GRIA4: variants seen among roughly 807,000 people sequenced by gnomAD.
GRIA4 encodes the protein glutamate receptor 4.
GRIA4 carries 34 observed loss-of-function variants against 104.0 expected under a neutral mutation model. The ratio of observed to expected loss-of-function variants is 0.33; its 90% CI spans 0.25 to 0.44. GRIA4 has a LOEUF of 0.44. Among genes scored for constraint, GRIA4 ranks in the 20% least tolerant of loss-of-function variants. The probability of loss-of-function intolerance (pLI) is 1.00; values close to 1 mark genes in which losing one functional copy is unlikely to be tolerated. For missense variants in GRIA4, 750 were observed against 1,096.5 expected, an observed-to-expected ratio of 0.68 and a Z score of 4.46; for synonymous variants, 386 against 381.9, an observed-to-expected ratio of 1.01 and a Z score of -0.13.
At chr11:105,803,844 CAA>C (rs537440632) in intron 4 of GRIA4, among the ~76,000 whole-genome samples, 372 of 80,520 alleles carry the variant, frequency 4.6e-3, no homozygotes, top group South Asian at 0.01. Context: ...GGTGCTATAC[CAA>C]AAAAAAAAAA....
chr11:105,770,922 C>G (rs1941180409), intron 4 of GRIA4, among the ~76,000 whole-genome samples: 1 of 152,098 alleles, frequency 6.6e-6, no homozygotes, highest in Admixed American at 6.6e-5. Context: ...AATAATTATT[C>G]CCTTCATCCA....
At chr11:105,944,180 C>T (rs775069945) in intron 14 of GRIA4, among the ~76,000 whole-genome samples, 1 of 152,112 alleles carries the variant, frequency 6.6e-6, no homozygotes, top group Non-Finnish European at 1.5e-5. Flanking sequence ...TTTTTCCCTG[C>T]ACATTTTCAT....
At chr11:105,654,172 G>A (rs1391604246) in intron 3 of GRIA4, among the ~76,000 whole-genome samples, 5 of 151,894 alleles carry the variant, frequency 3.3e-5, no homozygotes, top group Non-Finnish European at 7.4e-5. Flanking sequence ...TAAGGTAATG[G>A]TTAGCAGAGG....
chr11:105,714,585 G>T (rs956548539), intron 3 of GRIA4, among the ~76,000 whole-genome samples: 1 of 151,944 alleles, frequency 6.6e-6, no homozygotes, highest in Admixed American at 6.6e-5. Flanking sequence ...AAATGTAATG[G>T]ATTCATTTCT....
intron 4 of GRIA4, among the ~76,000 whole-genome samples, chr11:105,775,400 T>C (rs1274028925): frequency 6.6e-6 from 1 of 152,200 alleles, no homozygotes; most frequent in Non-Finnish European, 1.5e-5. Context: ...GAAGGCATGC[T>C]AAAGATACTA....
intron 4 of GRIA4, among the ~76,000 whole-genome samples, chr11:105,758,766 T>C (rs1361345637): frequency 6.6e-6 from 1 of 152,212 alleles, no homozygotes; most frequent in African/African-American, 2.4e-5. Flanking sequence ...ATCAGAACTA[T>C]GGAAAGTAGT....
At chr11:105,910,328 C>A in intron 9 of GRIA4, 107 bp from the exon 10 acceptor site, 2 of 611,118 alleles carry the variant, frequency 3.3e-6, no homozygotes, top group Non-Finnish European at 5.9e-6. Context: ...GTTTTGTTTG[C>A]TTACATTTGT....
At chr11:105,756,746 T>C (rs537658295) in intron 4 of GRIA4, among the ~76,000 whole-genome samples, 5 of 112,476 alleles carry the variant, frequency 4.4e-5, no homozygotes, top group Middle Eastern at 9.4e-3. Context: ...AAATCTTTTA[T>C]GAAGACTCTC....
At chr11:105,959,445 G>A (rs1231547612) in intron 14 of GRIA4, among the ~76,000 whole-genome samples, 2 of 152,248 alleles carry the variant, frequency 1.3e-5, no homozygotes, top group East Asian at 3.9e-4. Context: ...GTGTTTTTCA[G>A]TTCTATCAGG....
At chr11:105,846,805 A>G (rs1441759682) in intron 4 of GRIA4, among the ~76,000 whole-genome samples, 1 of 152,208 alleles carries the variant, frequency 6.6e-6, no homozygotes, top group Non-Finnish European at 1.5e-5. Context: ...TTGGTAAAAA[A>G]TATTTTCTTT....
At chr11:105,752,177 T>C (rs1043501981) in intron 3 of GRIA4, among the ~76,000 whole-genome samples, 2 of 152,102 alleles carry the variant, frequency 1.3e-5, no homozygotes, top group African/African-American at 4.8e-5. Context: ...TGCTTCATGG[T>C]TTTGTAGCAA....
intron 4 of GRIA4, among the ~76,000 whole-genome samples, chr11:105,795,204 A>T (rs1156964081): frequency 6.6e-6 from 1 of 152,176 alleles, no homozygotes; most frequent in Non-Finnish European, 1.5e-5. Context: ...TACAGACTTC[A>T]CCAGAATGTT....
chr11:105,819,637 G>A (rs529493763), intron 4 of GRIA4, among the ~76,000 whole-genome samples: 1 of 151,938 alleles, frequency 6.6e-6, no homozygotes, highest in Non-Finnish European at 1.5e-5. Flanking sequence ...AACGCTCCTG[G>A]GTAGGGGGTA....
chr11:105,853,474 T>C (rs1251398640), intron 4 of GRIA4, among the ~76,000 whole-genome samples: 1 of 152,164 alleles, frequency 6.6e-6, no homozygotes, highest in East Asian at 1.9e-4. Context: ...TGTAGAGTTG[T>C]AGAGTTTTTG....
At chr11:105,899,891 C>T (rs998424968) in intron 7 of GRIA4, among the ~76,000 whole-genome samples, 1 of 152,190 alleles carries the variant, frequency 6.6e-6, no homozygotes, top group African/African-American at 2.4e-5. Flanking sequence ...AGGCACATCA[C>T]AGCCTTCTTG....
intron 4 of GRIA4, among the ~76,000 whole-genome samples, chr11:105,833,939 C>T (rs1944080021): frequency 6.6e-6 from 1 of 151,994 alleles, no homozygotes; most frequent in African/African-American, 2.4e-5. Context: ...AAGTAATGTT[C>T]ACCTACAATC....
intron 4 of GRIA4, among the ~76,000 whole-genome samples, chr11:105,805,638 A>G (rs1486831484): frequency 6.6e-6 from 1 of 151,906 alleles, no homozygotes; most frequent in African/African-American, 2.4e-5. Flanking sequence ...CAAGAATGCA[A>G]AAAGGTTAGT....
chr11:105,815,622 T>C (rs1289413574), intron 4 of GRIA4, among the ~76,000 whole-genome samples: 2 of 152,074 alleles, frequency 1.3e-5, no homozygotes, highest in Non-Finnish European at 2.9e-5. Flanking sequence ...AGTGCAAAAC[T>C]TTTAAATACA....
intron 3 of GRIA4, among the ~76,000 whole-genome samples, chr11:105,713,599 C>T (rs1447891426): frequency 6.6e-6 from 1 of 152,064 alleles, no homozygotes; most frequent in Admixed American, 6.6e-5. Flanking sequence ...AGTTTTTGCC[C>T]TTTCCTGTGT....
Sources: allele counts gnomAD v4.1 joint callset (sites outside exome capture counted in the v4.1 genomes callset), GRCh38; gene constraint gnomAD v4.1.1; transcripts MANE v1.5; gene names NCBI Gene and HGNC (gene_info 2026-07-23, HGNC 2026-07-21).